ITGB8: variants seen among roughly 807,000 people sequenced by gnomAD.
ITGB8 encodes integrin beta-8.
In ITGB8, 30 loss-of-function variants were observed where a neutral mutation model predicts 89.5. That is an observed-to-expected ratio of 0.34 (90% CI 0.25 to 0.45). The LOEUF (loss-of-function observed/expected upper bound fraction) is 0.45, where lower values mean the gene tolerates loss of function less well. Ranked by LOEUF, ITGB8 falls within the 20% of genes least tolerant of loss-of-function variation. The pLI, the probability that ITGB8 is intolerant of heterozygous loss-of-function variation, is 1.00. For missense variants in ITGB8, 836 were observed against 933.3 expected (o/e 0.90, Z 1.36); for synonymous variants, 335 against 320.4 (o/e 1.05, Z -0.49).
upstream of ITGB8, among the ~76,000 whole-genome samples, chr7:20,330,533 G>T (rs191018118): frequency 3.3e-5 from 5 of 152,286 alleles, no homozygotes; most frequent in East Asian, 9.7e-4. Flanking sequence ...CATTCCTGTT[G>T]CGCGGCTACG....
chr7:20,408,150 G>C (rs1787619362), intron 12 of ITGB8, among the ~76,000 whole-genome samples: 1 of 152,170 alleles, frequency 6.6e-6, no homozygotes, highest in Admixed American at 6.5e-5. Flanking sequence ...TGATTGAGTA[G>C]TCCTAAATCA....
At chr7:20,338,514 TC>T (rs1784649078) in intron 1 of ITGB8, among the ~76,000 whole-genome samples, 1 of 152,028 alleles carries the variant, frequency 6.6e-6, no homozygotes, top group African/African-American at 2.4e-5. Context: ...GCACCTGTAG[TC>T]CCAGCTACTT....
chr7:20,403,699 A>C (rs1423917502), intron 10 of ITGB8, among the ~76,000 whole-genome samples: 1 of 152,050 alleles, frequency 6.6e-6, no homozygotes, highest in African/African-American at 2.4e-5. Context: ...GGTGCTCAGC[A>C]ATAAAAGAAG....
intron 1 of ITGB8, among the ~76,000 whole-genome samples, chr7:20,340,195 A>C (rs1276370090): frequency 6.6e-6 from 1 of 152,216 alleles, no homozygotes; most frequent in African/African-American, 2.4e-5. Context: ...TGTTGTAATC[A>C]AATAATACTG....
At chr7:20,396,929 T>TA (rs1167596675) in intron 8 of ITGB8, among the ~76,000 whole-genome samples, 1 of 152,206 alleles carries the variant, frequency 6.6e-6, no homozygotes, top group African/African-American at 2.4e-5. Context: ...AACAAAAACT[T>TA]ACTGGGGCTA....
chr7:20,370,913 C>T (rs1257652359), intron 3 of ITGB8, among the ~76,000 whole-genome samples: 1 of 152,122 alleles, frequency 6.6e-6, no homozygotes, highest in Non-Finnish European at 1.5e-5. Flanking sequence ...CGAGCCCGGC[C>T]TAAACTCTTA....
At chr7:20,351,618 G>T (rs1259402477) in intron 1 of ITGB8, among the ~76,000 whole-genome samples, 2 of 152,072 alleles carry the variant, frequency 1.3e-5, no homozygotes, top group Non-Finnish European at 1.5e-5. Context: ...ATATATTTTT[G>T]AATTTTGAAA....
chr7:20,402,248 G>A, intron 10 of ITGB8, 122 bp downstream of exon 10: 1 of 874,510 alleles, frequency 1.1e-6, no homozygotes, highest in Non-Finnish European at 1.7e-6. Flanking sequence ...GTTATTCAAA[G>A]TTTCAAAGTC....
chr7:20,388,772 G>A (rs1351596864), intron 6 of ITGB8, among the ~76,000 whole-genome samples: 3 of 152,010 alleles, frequency 2.0e-5, no homozygotes, highest in Non-Finnish European at 2.9e-5. Flanking sequence ...TTCTCCTAAT[G>A]TTATCCCTCC....
chr7:20,358,831 C>G (rs536985322), intron 1 of ITGB8, among the ~76,000 whole-genome samples: 14 of 152,278 alleles, frequency 9.2e-5, no homozygotes, highest in Admixed American at 7.2e-4. Context: ...AAGCATAGTA[C>G]CTGACAGTTT....
intron 9 of ITGB8, among the ~76,000 whole-genome samples, chr7:20,400,808 C>A (rs1481478807): frequency 1.3e-5 from 2 of 152,102 alleles, no homozygotes; most frequent in African/African-American, 4.8e-5. Flanking sequence ...AAATGAGAGT[C>A]CTAAACATTT....
In ITGB8 at chr7:20,367,195, A is replaced by G; in HGVS notation, c.388+9A>G. On this transcript the variant is annotated intron_variant, in intron 3 of 13. Transcript: ENST00000222573. ...TATCCAGCTGCGTCCAGGTTTGGTCATTTTCAAATAAATCTATAATGATTC... is the reference window on the plus strand; with the variant it reads ...TATCCAGCTGCGTCCAGGTTTGGTCGTTTTCAAATAAATCTATAATGATTC... 2 of 1,578,692 alleles carry G rather than the reference A, an allele frequency of 1.3e-6. No homozygotes were observed. The highest frequency in any genetic ancestry group is 2.7e-5 in the African/African-American group (2 of 73,740).
Position 20,411,698 on chromosome 7 carries a change from G to T in ITGB8, c.*1701G>T, listed in dbSNP as rs1787767410. ...TATGAGGAAAGTTCAAAGCAAAATAGAAAGGAATAATTCAAACTGAATTGT... is the reference window on the plus strand; with the variant it reads ...TATGAGGAAAGTTCAAAGCAAAATATAAAGGAATAATTCAAACTGAATTGT... On this transcript the variant is annotated 3_prime_UTR_variant, in exon 14 of 14. Coordinates refer to ENST00000222573, the MANE Select transcript of ITGB8 (RefSeq NM_002214.3). The T allele has an allele frequency of 6.5e-6, 1 of 152,712 alleles. No individual in the cohort carries two copies. Among genetic ancestry groups the T allele is most frequent in the African/African-American group, 2.4e-5 (1 of 41,572 alleles). 9.5% of individuals were successfully genotyped at this position (152,712 alleles called of 1,614,324 possible).
chr7:20,349,788 C>T (rs1030187013), intron 1 of ITGB8, among the ~76,000 whole-genome samples: 1 of 151,882 alleles, frequency 6.6e-6, no homozygotes, highest in African/African-American at 2.4e-5. Flanking sequence ...AAATATATTC[C>T]TTCATTGTGC....
chr7:20,333,669 G>A (rs1363050130), intron 1 of ITGB8, among the ~76,000 whole-genome samples: 1 of 152,206 alleles, frequency 6.6e-6, no homozygotes, highest in Non-Finnish European at 1.5e-5. Flanking sequence ...TGATTTGAAG[G>A]AAATATTATG....
rs183756599 is a variant in ITGB8 at position 20,335,483 on chromosome 7, C to T, written c.127+3550C>T. On this transcript the variant is annotated intron_variant, in intron 1 of 13. Coordinates refer to ENST00000222573, the MANE Select transcript of ITGB8 (RefSeq NM_002214.3). The stretch of plus-strand genomic sequence containing the variant: ...TTGTTTTATTCCAATGGAATCACAG[C>T]AGGTATACCTTGTAAAGTTTCAGTT... Among the ~76,000 whole-genome samples, 4 of 152,266 alleles carry T rather than the reference C, an allele frequency of 2.6e-5. No individual in the cohort carries two copies. The East Asian group carries it at 7.7e-4, about 29-fold the overall frequency.
Position 20,410,389 on chromosome 7 carries a change from C to G in ITGB8, c.*392C>G, listed in dbSNP as rs1356492967. On this transcript the variant is annotated 3_prime_UTR_variant, in exon 14 of 14. Transcript: ENST00000222573. ...GTGTCACTACAAGGGTACAGTAATC[C>G]CTGCACTGGACATGTGAGGAAAAAA... 20 of 172,568 alleles carry G rather than the reference C, an allele frequency of 1.2e-4. No individual in the cohort carries two copies. 10.7% of individuals were successfully genotyped at this position (172,568 alleles called of 1,614,324 possible).
chr7:20,367,043 G>C lies in ITGB8; in HGVS notation c.245G>C (p.Arg82Pro). 1 of 1,611,652 alleles carries C rather than the reference G, an allele frequency of 6.2e-7. No homozygotes were observed. The change falls in exon 3 of 14, where the codon CGT becomes CCT. Residue 82 changes from arginine (R) to proline (P), a missense_variant. Arg to Pro is a moderately radical substitution (Grantham distance 103). Around this residue, in one of 5 missense-constraint regions of ITGB8, gnomAD observed 182 missense variants for 177.0 expected, o/e 1.03. Coordinates refer to ENST00000222573, the MANE Select transcript of ITGB8 (RefSeq NM_002214.3). ...DFISGGSRSE[R>P]CDIVSNLISK... Reference sequence around the variant, plus strand: ...ATTTCAGGTGGATCAAGAAGTGAACGTTGTGATATTGTTTCCAATTTAATA... The same window carrying C: ...ATTTCAGGTGGATCAAGAAGTGAACCTTGTGATATTGTTTCCAATTTAATA...
chr7:20,410,074 C>T lies in ITGB8; in HGVS notation c.*77C>T, dbSNP rs950590129. ...CTAAAGATTATAATTTTAAAAGTCA[C>T]AGGAGGAGACAAATTGCTCACGGTC... On this transcript the variant is annotated 3_prime_UTR_variant, in exon 14 of 14. Coordinates refer to ENST00000222573, the MANE Select transcript of ITGB8 (RefSeq NM_002214.3). 3 of 1,447,728 alleles carry T rather than the reference C, an allele frequency of 2.1e-6. No individual in the cohort carries two copies. In the African/African-American group the frequency reaches 4.3e-5, roughly 21 times the overall value. The allele number at this position is 1,447,728 out of a possible 1,614,324, so 89.7% of individuals were successfully genotyped here.
Sources: allele counts gnomAD v4.1 joint callset (sites outside exome capture counted in the v4.1 genomes callset), GRCh38; gene constraint gnomAD v4.1.1; regional missense constraint gnomAD v4.1.1; transcripts MANE v1.5; gene names NCBI Gene and HGNC (gene_info 2026-07-23, HGNC 2026-07-21).